Variants in RELN observed in about 807,000 individuals in gnomAD.
RELN encodes the protein reelin.
RELN carries 108 observed loss-of-function variants against 427.6 expected under a neutral mutation model. The observed-to-expected ratio is 0.25, with a 90% CI of 0.22 to 0.30. The LOEUF (loss-of-function observed/expected upper bound fraction) is 0.30, where lower values mean the gene tolerates loss of function less well. Among genes scored for constraint, RELN ranks in the 10% least tolerant of loss-of-function variants. RELN has a pLI of 1.00. For missense variants in RELN, 3,715 were observed against 4,302.8 expected, an observed-to-expected ratio of 0.86 and a Z score of 3.82; for synonymous variants, 1,524 against 1,513.4, an observed-to-expected ratio of 1.01 and a Z score of -0.16.
intron 38 of RELN, among the ~76,000 whole-genome samples, chr7:103,554,228 C>T (rs1410372045): frequency 1.4e-5 from 2 of 142,454 alleles, no homozygotes; most frequent in African/African-American, 5.1e-5. Context: ...AACCCATATA[C>T]TTTCTGGGGG....
intron 8 of RELN, among the ~76,000 whole-genome samples, chr7:103,717,316 A>G (rs631929): frequency 0.61 from 89,985 of 148,578 alleles, 28,536 homozygotes; most frequent in African/African-American, 0.81. Flanking sequence ...ATAAATATAC[A>G]TATGTTTTAT....
intron 49 of RELN, among the ~76,000 whole-genome samples, chr7:103,516,040 C>T (rs936948431): frequency 6.6e-6 from 1 of 152,112 alleles, no homozygotes; most frequent in African/African-American, 2.4e-5. Context: ...ATGTGAGAAC[C>T]ATGGGCTAGC....
At chr7:103,540,916 T>C (rs1021637218) in intron 43 of RELN, among the ~76,000 whole-genome samples, 1 of 152,000 alleles carries the variant, frequency 6.6e-6, no homozygotes, top group South Asian at 2.1e-4. Flanking sequence ...TCTTCTAAGG[T>C]TTCACCAGTC....
chr7:103,695,748 A>C (rs1158693977), intron 10 of RELN, among the ~76,000 whole-genome samples: 2 of 152,152 alleles, frequency 1.3e-5, no homozygotes, highest in Non-Finnish European at 2.9e-5. Context: ...TCTGCTTGCC[A>C]GTGTTGAACA....
chr7:103,695,107 C>CA (rs1287919930), intron 10 of RELN, among the ~76,000 whole-genome samples: 8 of 152,098 alleles, frequency 5.3e-5, no homozygotes, highest in Admixed American at 2.0e-4. Flanking sequence ...ATTTAGTTTT[C>CA]ACCTCAGAGG....
rs1830842077 is a variant in RELN, at chr7:103,569,884, T to C, written c.4588+2300A>G. On this transcript the variant is annotated intron_variant, in intron 31 of 64. Transcript: ENST00000428762. This position sits in a 1 kb window ranked among gnomAD's most constrained non-coding sequence, Gnocchi z 4.0. The stretch of plus-strand genomic sequence containing the variant: ...TTTAAGGCATGTGAAACATTTCTCT[T>C]TTTAAACAGCAGCTCCATCTGCGTT... Among the ~76,000 whole-genome samples, 1 of 152,232 alleles carries C rather than the reference T, an allele frequency of 6.6e-6. No individual in the cohort carries two copies. Among genetic ancestry groups the C allele is most frequent in the East Asian group, 1.9e-4 (1 of 5,206 alleles).
intron 10 of RELN, among the ~76,000 whole-genome samples, chr7:103,684,196 C>T (rs947039741): frequency 1.3e-5 from 2 of 152,020 alleles, no homozygotes; most frequent in Admixed American, 1.3e-4. Context: ...CCTTAGCCAG[C>T]GTAGGGGGCC....
chr7:103,875,037 C>A (rs1235961943), intron 2 of RELN, among the ~76,000 whole-genome samples: 1 of 145,082 alleles, frequency 6.9e-6, no homozygotes, highest in South Asian at 2.6e-4. Context: ...AGAATAGAGC[C>A]CTCAGAAATA....
intron 1 of RELN, among the ~76,000 whole-genome samples, chr7:103,967,618 A>T (rs1330268886): frequency 6.6e-6 from 1 of 152,210 alleles, no homozygotes; most frequent in East Asian, 1.9e-4. Flanking sequence ...GAATGCCTCT[A>T]TCATGTGAGC....
intron 42 of RELN, among the ~76,000 whole-genome samples, chr7:103,544,776 G>C (rs2117139054): frequency 1.3e-5 from 2 of 152,280 alleles, no homozygotes; most frequent in East Asian, 3.9e-4. Flanking sequence ...TGGTAAAGCA[G>C]TAACAGGAAT....
intron 4 of RELN, among the ~76,000 whole-genome samples, chr7:103,753,481 G>C (rs1220503155): frequency 6.6e-6 from 1 of 152,096 alleles, no homozygotes; most frequent in Non-Finnish European, 1.5e-5. Flanking sequence ...TCTAATTAAA[G>C]ATTTTCTTGA....
At chr7:103,594,205 C>T in intron 26 of RELN, 116 bp downstream of exon 26, 1 of 1,098,128 alleles carries the variant, frequency 9.1e-7, no homozygotes, top group Non-Finnish European at 1.4e-6. Context: ...AGTACAAGCC[C>T]TTAAACTTAT....
chr7:103,961,392 G>GT (rs150445815), intron 1 of RELN, among the ~76,000 whole-genome samples: 8,641 of 152,054 alleles, frequency 0.057, 865 homozygotes, highest in African/African-American at 0.2. Flanking sequence ...GATGAATTTA[G>GT]TTTTTTTCCC....
At chr7:103,896,595 T>C (rs1794965817) in intron 2 of RELN, among the ~76,000 whole-genome samples, 2 of 151,944 alleles carry the variant, frequency 1.3e-5, no homozygotes, top group South Asian at 4.2e-4. Context: ...TGCCTCTGGG[T>C]AGTGGGGTGA....
At chr7:103,769,335 G>C (rs1791507513) in intron 4 of RELN, among the ~76,000 whole-genome samples, 1 of 152,104 alleles carries the variant, frequency 6.6e-6, no homozygotes, top group Non-Finnish European at 1.5e-5. Flanking sequence ...CACTCAGCTG[G>C]CTTGCCCCTT....
At chr7:103,935,939 C>T (rs1488238331) in intron 1 of RELN, among the ~76,000 whole-genome samples, 2 of 152,130 alleles carry the variant, frequency 1.3e-5, no homozygotes, top group Non-Finnish European at 2.9e-5. Context: ...GGACTGTAAT[C>T]ACCTTTAACA....
At position 103,589,681 on chromosome 7, in the gene RELN, G is replaced by A. The variant is rs1453464511; in HGVS notation, c.4060C>T (p.Leu1354=). ...GKGCEGNSRE[L]SEPTMYHTGD... is the part of the protein sequence containing the mutation. ...GTGTGATACATGGTGGGCTCACTTA[G>A]TTCTCTGGAGTTTCCTTCGCATCCT... Residue 1354 remains leucine (L), a synonymous_variant, in exon 28 of 65, where the codon CTA becomes TTA. Transcript: ENST00000428762. 8 of 1,613,966 alleles carry A rather than the reference G, an allele frequency of 5.0e-6. No individual in the cohort carries two copies. Among genetic ancestry groups the A allele is most frequent in the Non-Finnish European group, 6.8e-6 (8 of 1,179,990 alleles).
chr7:103,485,453 T>C (rs1385233968), intron 61 of RELN, among the ~76,000 whole-genome samples: 1 of 152,186 alleles, frequency 6.6e-6, no homozygotes, highest in African/African-American at 2.4e-5. Flanking sequence ...AATATTCTCA[T>C]AGCTACTGAA....
In RELN at chr7:103,989,503, G is replaced by T. The variant is rs909492650; in HGVS notation, c.-147C>A. On this transcript the variant is annotated 5_prime_UTR_variant, in exon 1 of 65. Transcript: ENST00000428762. The surrounding 1 kb of genome is among the most constrained non-coding windows in gnomAD (Gnocchi z 4.9). ...CGGGCTCGGGAGCGGGCCTGGGAGC[G>T]GGCCCCCGCCGAGAAGTTCCGCGGG... The T allele has an allele frequency of 4.7e-6, 3 of 637,926 alleles. No homozygotes were observed. The highest frequency in any genetic ancestry group is 6.9e-6 in the Non-Finnish European group (3 of 432,354). The allele number at this position is 637,926 out of a possible 1,614,324, so 39.5% of individuals were successfully genotyped here.
Sources: allele counts gnomAD v4.1 joint callset (sites outside exome capture counted in the v4.1 genomes callset), GRCh38; gene constraint gnomAD v4.1.1; non-coding constraint Gnocchi (gnomAD v3.1); transcripts MANE v1.5; gene names NCBI Gene and HGNC (gene_info 2026-07-23, HGNC 2026-07-21).